Variants in NDC80 observed in about 807,000 individuals in gnomAD.
The protein encoded by NDC80 is kinetochore protein NDC80 homolog.
A neutral mutation model predicts 89.3 loss-of-function variants in NDC80; 69 were observed. The ratio of observed to expected loss-of-function variants is 0.77; its 90% CI spans 0.64 to 0.94. The LOEUF (loss-of-function observed/expected upper bound fraction) is 0.94, where lower values mean the gene tolerates loss of function less well. Among genes scored for constraint, NDC80 ranks in the 40% least tolerant of loss-of-function variants. The pLI is 0.00. For missense variants in NDC80, 593 were observed against 739.6 expected (o/e 0.80, Z 2.30); for synonymous variants, 243 against 255.6 (o/e 0.95, Z 0.47).
chr18:2,607,428 A>C (rs1483598611), intron 14 of NDC80, among the ~76,000 whole-genome samples: 1 of 152,122 alleles, frequency 6.6e-6, no homozygotes, highest in Non-Finnish European at 1.5e-5. Context: ...CATGGGAAAA[A>C]ATCTTAATTA....
In NDC80 at chr18:2,607,995, AT is replaced by A. The variant is rs1456572739; in HGVS notation, c.1558-704del. On this transcript the variant is annotated intron_variant, in intron 14 of 16. Transcript: ENST00000261597. ...TATATATATATATATATATATATAT[AT>A]ATAACTTATTTAGCTAGCCCCTTAT... 4.0e-3 allele frequency among the ~76,000 whole-genome samples: 539 copies of A among 133,302 alleles called. 6 individuals are homozygous for A. The highest frequency in any genetic ancestry group is 0.024 in the South Asian group (100 of 4,158). The allele number at this position is 133,302 out of a possible 152,430, so 87.5% of individuals were successfully genotyped here.
intron 2 of NDC80, among the ~76,000 whole-genome samples, chr18:2,574,701 G>A (rs535162702): frequency 1.3e-4 from 20 of 152,056 alleles, no homozygotes; most frequent in Non-Finnish European, 2.6e-4. Flanking sequence ...AAAATGAGAT[G>A]AGTAAAACAG....
At position 2,595,430 on chromosome 18, in the gene NDC80, A is replaced by G. The variant is rs1398535596; in HGVS notation, c.1030A>G (p.Thr344Ala). ...EIARVELECE[T>A]IKQENTRLQN... is the part of the protein sequence containing the mutation. Reference sequence around the variant, plus strand: ...TTCCAACACAGAACTAGAATGTGAAACAATAAAACAGGAGAACACTCGACT... The same window carrying G: ...TTCCAACACAGAACTAGAATGTGAAGCAATAAAACAGGAGAACACTCGACT... The change falls in exon 11 of 17, where the codon ACA becomes GCA. Residue 344 changes from threonine to alanine, a missense_variant. Coordinates refer to ENST00000261597, the MANE Select transcript of NDC80 (RefSeq NM_006101.3). The G allele has an allele frequency of 2.5e-6, 4 of 1,613,360 alleles. No homozygotes were observed. Among genetic ancestry groups the G allele is most frequent in the Non-Finnish European group, 3.4e-6 (4 of 1,179,738 alleles).
intron 7 of NDC80, among the ~76,000 whole-genome samples, chr18:2,586,973 C>G (rs1295021748): frequency 6.6e-6 from 1 of 152,150 alleles, no homozygotes; most frequent in Non-Finnish European, 1.5e-5. Flanking sequence ...ATTGACCAAG[C>G]TTAAGGAAAC....
In NDC80 at chr18:2,590,073, AG is replaced by A; in HGVS notation, c.927del (p.Lys309AsnfsTer6). ...LKASLQGDVQ[K>X]YQAYMSNLES... is the part of the protein sequence containing the mutation. The stretch of plus-strand genomic sequence containing the variant: ...GCTTCCTTACAAGGAGATGTTCAAA[AG>A]TATCAGGCATACATGAGCAATTTGG... On this transcript the variant is annotated frameshift_variant, in exon 10 of 17. Coordinates refer to ENST00000261597, the MANE Select transcript of NDC80 (RefSeq NM_006101.3). LOFTEE classifies it high-confidence loss of function. 1 of 1,611,780 alleles carries A rather than the reference AG, an allele frequency of 6.2e-7. No individual in the cohort carries two copies. Among genetic ancestry groups the A allele is most frequent in the Non-Finnish European group, 8.5e-7 (1 of 1,178,892 alleles).
At chr18:2,603,351 T>TTA (rs1179070812) in intron 13 of NDC80, among the ~76,000 whole-genome samples, 7 of 80,916 alleles carry the variant, frequency 8.7e-5, no homozygotes, top group African/African-American at 2.5e-4. Context: ...GAGAATATGT[T>TTA]TATACATATA....
chr18:2,572,210 G>C lies in NDC80; in HGVS notation c.-10+527G>C, dbSNP rs116938311. Reference sequence around the variant, plus strand: ...AGTCTAATCAGTGTAAAAGACTAAGGAGTACCCAGAGAAGTAAAAGGATTG... The same window carrying C: ...AGTCTAATCAGTGTAAAAGACTAAGCAGTACCCAGAGAAGTAAAAGGATTG... On this transcript the variant is annotated intron_variant, in intron 1 of 16. Coordinates refer to ENST00000261597, the MANE Select transcript of NDC80 (RefSeq NM_006101.3). Among the ~76,000 whole-genome samples, 1,218 of 152,338 alleles carry C rather than the reference G, an allele frequency of 8.0e-3. 11 individuals carry two copies. Among genetic ancestry groups the C allele is most frequent in the Middle Eastern group, 0.014 (4 of 294 alleles).
At chr18:2,598,425 T>A (rs1854825054) in intron 11 of NDC80, among the ~76,000 whole-genome samples, 1 of 152,160 alleles carries the variant, frequency 6.6e-6, no homozygotes, top group African/African-American at 2.4e-5. Flanking sequence ...TGATGATGGC[T>A]ATGAAGAAAA....
intron 10 of NDC80, among the ~76,000 whole-genome samples, chr18:2,593,516 G>C (rs1312800207): frequency 6.6e-6 from 1 of 152,104 alleles, no homozygotes; most frequent in Non-Finnish European, 1.5e-5. Flanking sequence ...GACTGTTAAG[G>C]TTTCATTAGG....
At position 2,595,475 on chromosome 18, in the gene NDC80, C is replaced by A. The variant is rs772048942; in HGVS notation, c.1075C>A (p.Gln359Lys). The A allele has an allele frequency of 6.2e-7, 1 of 1,613,560 alleles. No homozygotes were observed. Among genetic ancestry groups the A allele is most frequent in the Non-Finnish European group, 8.5e-7 (1 of 1,179,718 alleles). The change falls in exon 11 of 17, where the codon CAG becomes AAG. Residue 359 changes from glutamine (Q) to lysine (K), a missense_variant. Gln to Lys is a moderately conservative substitution (Grantham distance 53). Coordinates refer to ENST00000261597, the MANE Select transcript of NDC80 (RefSeq NM_006101.3). ...NTRLQNIIDN[Q>K]KYSVADIERI... ...TCGACTACAGAATATCATTGACAAC[C>A]AGAAGTACTCAGTTGCAGACATTGA... is the stretch of plus-strand genomic sequence containing the variant.
intron 11 of NDC80, among the ~76,000 whole-genome samples, chr18:2,598,328 C>T (rs2072667995): frequency 6.6e-6 from 1 of 152,136 alleles, no homozygotes; most frequent in Non-Finnish European, 1.5e-5. Context: ...TACTATATGC[C>T]AAGCACTGTT....
intron 5 of NDC80, 139 bp downstream of exon 5, chr18:2,578,280 T>A: frequency 1.3e-6 from 1 of 796,524 alleles, no homozygotes; most frequent in Non-Finnish European, 1.9e-6. Flanking sequence ...TAGGATAAAT[T>A]GAAGAGAAAA....
intron 13 of NDC80, among the ~76,000 whole-genome samples, chr18:2,603,351 T>TTTTATATATATATATATATATATA: frequency 1.2e-5 from 1 of 80,940 alleles, no homozygotes; most frequent in African/African-American, 5.0e-5. Context: ...GAGAATATGT[T>TTTTATATATATATATATATATATA]TATACATATA....
At chr18:2,585,934 C>T (rs1395969657) in intron 7 of NDC80, among the ~76,000 whole-genome samples, 1 of 151,978 alleles carries the variant, frequency 6.6e-6, no homozygotes, top group Admixed American at 6.6e-5. Flanking sequence ...AGATATTGCA[C>T]GTGGATAGGT....
intron 7 of NDC80, among the ~76,000 whole-genome samples, chr18:2,585,996 A>G (rs2072601342): frequency 6.6e-6 from 1 of 152,168 alleles, no homozygotes; most frequent in Non-Finnish European, 1.5e-5. Context: ...CTTAGCCCAG[A>G]GTCGCCACTT....
chr18:2,583,044 C>A (rs569035554), intron 6 of NDC80, among the ~76,000 whole-genome samples: 2 of 152,328 alleles, frequency 1.3e-5, no homozygotes, highest in East Asian at 3.9e-4. Context: ...TATCCCAGAT[C>A]CCTCTGTGTC....
intron 15 of NDC80, among the ~76,000 whole-genome samples, chr18:2,609,694 A>T (rs28562542): frequency 0.063 from 9,608 of 152,256 alleles, 328 homozygotes; most frequent in African/African-American, 0.082. Flanking sequence ...AGACTGAATT[A>T]CTGTAAAGAG....
intron 8 of NDC80, among the ~76,000 whole-genome samples, chr18:2,588,998 GAGAA>G (rs2072614550): frequency 6.6e-6 from 1 of 151,998 alleles, no homozygotes; most frequent in Admixed American, 6.6e-5. Flanking sequence ...AAGCGCTTTG[GAGAA>G]AAATCAAGCA....
chr18:2,584,277 G>A (rs1307988678), intron 6 of NDC80, among the ~76,000 whole-genome samples: 4 of 138,408 alleles, frequency 2.9e-5, no homozygotes, highest in African/African-American at 8.2e-5. Flanking sequence ...GACAAAGTGA[G>A]ACTCCGTCTC....
Sources: gnomAD v4.1 joint callset for allele counts (sites outside exome capture counted in the v4.1 genomes callset) on GRCh38, gnomAD v4.1.1 for gene constraint, MANE v1.5 for transcripts, NCBI Gene and HGNC (gene_info 2026-07-23, HGNC 2026-07-21) for gene names.